The following PPARGC1A variants were observed in gnomAD, a reference collection of about 807,000 sequenced individuals.
PPARGC1A encodes PPARG coactivator 1 alpha, also known as peroxisome proliferator-activated receptor gamma coactivator 1-alpha.
In PPARGC1A, 25 loss-of-function variants were observed where a neutral mutation model predicts 88.7. That is an observed-to-expected ratio of 0.28 (90% CI 0.21 to 0.39). The LOEUF (loss-of-function observed/expected upper bound fraction) is 0.39, where lower values mean the gene tolerates loss of function less well. Ranked by LOEUF, PPARGC1A falls within the 10% of genes least tolerant of loss-of-function variation. The pLI, the probability that PPARGC1A is intolerant of heterozygous loss-of-function variation, is 1.00. For synonymous variants in PPARGC1A, 363 were observed against 355.6 expected, an observed-to-expected ratio of 1.02 and a Z score of -0.24; for missense variants, 880 against 968.7, an observed-to-expected ratio of 0.91 and a Z score of 1.22.
the PPARGC1A span, among the ~76,000 whole-genome samples, chr4:24,354,653 A>G: frequency 3.3e-5 from 5 of 152,094 alleles, no homozygotes; most frequent in African/African-American, 1.2e-4. Context: ...TTGGGAGGCC[A>G]AGGCGTGTGG....
chr4:24,249,829 G>A, the PPARGC1A span, among the ~76,000 whole-genome samples: 2 of 152,242 alleles, frequency 1.3e-5, no homozygotes, highest in Admixed American at 6.5e-5. Flanking sequence ...ACAGGTGAAG[G>A]GGGTTGCTGT....
chr4:24,228,424 T>C, the PPARGC1A span, among the ~76,000 whole-genome samples: 1 of 152,142 alleles, frequency 6.6e-6, no homozygotes, highest in African/African-American at 2.4e-5. Context: ...TTCTCTCTTA[T>C]AAGTGAGAGC....
At chr4:23,914,188 T>G in the PPARGC1A span, among the ~76,000 whole-genome samples, 1 of 152,198 alleles carries the variant, frequency 6.6e-6, no homozygotes, top group South Asian at 2.1e-4. Flanking sequence ...TGGTTAAATT[T>G]TATTGAGTGC....
chr4:23,910,380 A>T, the PPARGC1A span, among the ~76,000 whole-genome samples: 3 of 107,198 alleles, frequency 2.8e-5, no homozygotes, highest in African/African-American at 1.1e-4. Context: ...ATTATATTAT[A>T]TATATTATAT....
chr4:23,903,451 T>C (rs1485300820), upstream of PPARGC1A, among the ~76,000 whole-genome samples: 1 of 152,210 alleles, frequency 6.6e-6, no homozygotes, highest in Admixed American at 6.5e-5. Context: ...CCTTCTGCAA[T>C]TGTTGGTAAC....
the PPARGC1A span, among the ~76,000 whole-genome samples, chr4:24,094,983 G>T: frequency 1.3e-5 from 2 of 152,108 alleles, no homozygotes; most frequent in African/African-American, 4.8e-5. Context: ...ACACAAACTT[G>T]AGCTTGCTCG....
At chr4:23,910,411 C>T in the PPARGC1A span, among the ~76,000 whole-genome samples, 1 of 102,088 alleles carries the variant, frequency 9.8e-6, no homozygotes, top group Non-Finnish European at 1.8e-5. Flanking sequence ...TATATTAACC[C>T]TATATATATT....
chr4:24,121,762 A>G, the PPARGC1A span, among the ~76,000 whole-genome samples: 1 of 152,194 alleles, frequency 6.6e-6, no homozygotes, highest in Admixed American at 6.5e-5. Context: ...TTGAAACATC[A>G]TATTTTCATT....
chr4:24,027,196 AGTGT>A, the PPARGC1A span, among the ~76,000 whole-genome samples: 1 of 133,606 alleles, frequency 7.5e-6, no homozygotes, highest in African/African-American at 2.8e-5. Flanking sequence ...ACCTCAGGCT[AGTGT>A]GTGTGTGTGT....
chr4:23,887,275 C>T (rs1441625501), intron 1 of PPARGC1A, among the ~76,000 whole-genome samples: 1 of 152,136 alleles, frequency 6.6e-6, no homozygotes, highest in Non-Finnish European at 1.5e-5. Flanking sequence ...CCAATGTTGA[C>T]ATGCTAATAA....
At chr4:24,079,996 T>C in the PPARGC1A span, among the ~76,000 whole-genome samples, 1 of 152,082 alleles carries the variant, frequency 6.6e-6, no homozygotes, top group Admixed American at 6.6e-5. Context: ...GCTTTACTGC[T>C]CTTCTTTTTC....
chr4:23,845,526 G>C (rs767531736), intron 2 of PPARGC1A, among the ~76,000 whole-genome samples: 35 of 152,116 alleles, frequency 2.3e-4, no homozygotes, highest in Admixed American at 1.2e-3. Flanking sequence ...TCTCAAGGTG[G>C]TTGGAAGCTA....
At chr4:24,387,959 AGGGAGAGG>A in the PPARGC1A span, among the ~76,000 whole-genome samples, 1 of 148,354 alleles carries the variant, frequency 6.7e-6, no homozygotes, top group Non-Finnish European at 1.5e-5. Flanking sequence ...AAAGAAAGAA[AGGGAGAGG>A]GAGAAAGGGA....
chr4:23,991,129 G>C, the PPARGC1A span, among the ~76,000 whole-genome samples: 1 of 151,832 alleles, frequency 6.6e-6, no homozygotes, highest in African/African-American at 2.4e-5. Flanking sequence ...AGTCCTCAAA[G>C]GTCAGTCATA....
At chr4:24,150,628 G>A in the PPARGC1A span, among the ~76,000 whole-genome samples, 18 of 152,022 alleles carry the variant, frequency 1.2e-4, no homozygotes, top group Admixed American at 3.3e-4. Context: ...CAAAAACCCC[G>A]CCTACTGCAC....
the PPARGC1A span, among the ~76,000 whole-genome samples, chr4:24,356,178 C>T: frequency 1.5e-4 from 22 of 142,018 alleles, no homozygotes; most frequent in Non-Finnish European, 2.9e-4. Context: ...GCCTGGGCGA[C>T]AGAGCAAGAC....
chr4:23,834,707 T>C (rs922837351), intron 2 of PPARGC1A, among the ~76,000 whole-genome samples: 5 of 152,316 alleles, frequency 3.3e-5, no homozygotes, highest in Admixed American at 6.5e-5. Context: ...GGACCCTGTA[T>C]ATGTAATTCT....
At chr4:24,070,787 A>G in the PPARGC1A span, among the ~76,000 whole-genome samples, 5 of 152,204 alleles carry the variant, frequency 3.3e-5, no homozygotes, top group Non-Finnish European at 7.3e-5. Context: ...TAAAAAGATA[A>G]TATTCTGTGA....
chr4:23,966,303 T>C, the PPARGC1A span, among the ~76,000 whole-genome samples: 2 of 152,220 alleles, frequency 1.3e-5, no homozygotes, highest in African/African-American at 4.8e-5. Context: ...AAATGTTCTG[T>C]ATCAATGCTG....
Sources: allele counts gnomAD v4.1 joint callset (sites outside exome capture counted in the v4.1 genomes callset), GRCh38; gene constraint gnomAD v4.1.1; transcripts MANE v1.5; gene names NCBI Gene and HGNC (gene_info 2026-07-23, HGNC 2026-07-21).